The following ATP5PO variants were observed in gnomAD, a reference collection of about 807,000 sequenced individuals.
ATP5PO encodes ATP synthase peripheral stalk subunit OSCP.
Under a neutral mutation model 26.2 loss-of-function variants are expected in ATP5PO, and 14 were observed. That is an observed-to-expected ratio of 0.53 (90% CI 0.35 to 0.83). ATP5PO has a LOEUF of 0.83. ATP5PO is among the 40% of genes least tolerant of loss of function. The pLI, the probability that ATP5PO is intolerant of heterozygous loss-of-function variation, is 0.01. For synonymous variants in ATP5PO, 106 were observed against 95.1 expected (o/e 1.12, Z -0.67); for missense variants, 241 against 258.5 (o/e 0.93, Z 0.46).
At chr21:33,908,862 C>T (rs933395687) in intron 4 of ATP5PO, 2 of 464,182 alleles carry the variant, frequency 4.3e-6, no homozygotes, top group Non-Finnish European at 7.5e-6. Context: ...ATGCTTAGGT[C>T]CTAGTATCCT....
At position 33,903,540 on chromosome 21, in the gene ATP5PO, G is replaced by A. The variant is rs377497870; in HGVS notation, c.628C>T (p.Arg210Trp). Residue 210 changes from arginine (R) to tryptophan (W), a missense_variant, in exon 7 of 7, where the codon CGG (arginine) becomes TGG (tryptophan). Arg to Trp is a moderately radical substitution (Grantham distance 101). This residue lies in a region of ATP5PO where 77 missense variants were observed against 74.5 expected (regional missense o/e 1.03). Coordinates refer to ENST00000290299, the MANE Select transcript of ATP5PO (RefSeq NM_001697.3). ...AACCAACACTTTTAGACAATCTCCCGCATAGCCCTGCCCAGCTTCTGAATC... is the reference window on the plus strand; with the variant it reads ...AACCAACACTTTTAGACAATCTCCCACATAGCCCTGCCCAGCTTCTGAATC... ...TKIQKLGRAM[R>W]EIV 2.1e-5 allele frequency: 34 copies of A among 1,613,134 alleles called. No individual in the cohort carries two copies. The highest frequency in any genetic ancestry group is 5.0e-5 in the Admixed American group (3 of 59,782).
intron 3 of ATP5PO, among the ~76,000 whole-genome samples, chr21:33,909,437 TG>T (rs11300581): frequency 0.26 from 39,971 of 152,004 alleles, 5,417 homozygotes; most frequent in East Asian, 0.31. Flanking sequence ...CGCTAATTTT[TG>T]TATTTTTAGT....
chr21:33,914,455 C>A lies in ATP5PO; in HGVS notation c.82G>T (p.Val28Leu), dbSNP rs1377091518. 5 of 1,612,900 alleles carry A rather than the reference C, an allele frequency of 3.1e-6. No homozygotes were observed. The highest frequency in any genetic ancestry group is 2.5e-6 in the Non-Finnish European group (3 of 1,179,344). Residue 28 changes from valine to leucine, a missense_variant, in exon 2 of 7, where the codon GTG becomes TTG. Transcript: ENST00000290299. ...AAGAATATAAATTAACATACCCTCACAAGCTTGGCAAATGGTCTGACCACA... is the reference window on the plus strand; with the variant it reads ...AAGAATATAAATTAACATACCCTCAAAAGCTTGGCAAATGGTCTGACCACA... ...TSVVRPFAKL[V>L]RPPVQVYGIE...
intron 4 of ATP5PO, among the ~76,000 whole-genome samples, chr21:33,908,353 A>C (rs1401341643): frequency 6.6e-6 from 1 of 152,168 alleles, no homozygotes; most frequent in African/African-American, 2.4e-5. Flanking sequence ...CTACAAATTC[A>C]AAGATGATAT....
intron 3 of ATP5PO, among the ~76,000 whole-genome samples, chr21:33,911,493 C>G (rs944575324): frequency 1.5e-4 from 23 of 152,084 alleles, no homozygotes; most frequent in African/African-American, 5.3e-4. Context: ...CTGGCAATTG[C>G]AAAGGCATCT....
chr21:33,915,751 C>T lies in ATP5PO; in HGVS notation c.13G>A (p.Ala5Thr). The T allele has an allele frequency of 1.3e-6, 2 of 1,576,032 alleles. No individual in the cohort carries two copies. The highest frequency in any genetic ancestry group is 1.7e-6 in the Non-Finnish European group (2 of 1,161,064). The change falls in exon 1 of 7, where the codon GCA (alanine) becomes ACA (threonine). Residue 5 changes from alanine to threonine, a missense_variant. Physicochemically the swap from Ala to Thr is moderately conservative, Grantham distance 58. Around this residue, in one of 3 missense-constraint regions of ATP5PO, gnomAD observed 125 missense variants for 108.5 expected, o/e 1.15. Coordinates refer to ENST00000290299, the MANE Select transcript of ATP5PO (RefSeq NM_001697.3). MAAPAVSGLSRQVRC... is the reference protein window; with the variant it reads MAAPTVSGLSRQVRC... The stretch of plus-strand genomic sequence containing the variant: ...ACCTGCCGGGAGAGCCCGGACACTG[C>T]TGGGGCAGCCATCTTCTCCCGGGCG...
rs1381152331 is a variant in ATP5PO at position 33,904,029 on chromosome 21, G to A, written c.442-8C>T. ...TGTGGCTTCTTCTAAAGGCTGAAAG[G>A]CAAAACCATCCTTTCAATTTAGATA... is the stretch of plus-strand genomic sequence containing the variant. On this transcript the variant is annotated splice_region_variant and splice_polypyrimidine_tract_variant and intron_variant, in intron 5 of 6. Transcript: ENST00000290299. 2 of 1,603,536 alleles carry A rather than the reference G, an allele frequency of 1.2e-6. No homozygotes were observed. The highest frequency in any genetic ancestry group is 1.7e-6 in the Non-Finnish European group (2 of 1,174,216).
chr21:33,908,756 A>C (rs1012881074), intron 4 of ATP5PO: 2 of 206,050 alleles, frequency 9.7e-6, no homozygotes, highest in Non-Finnish European at 1.9e-5. Context: ...AAATGTATCC[A>C]AGGATCAAGG....
rs996402266 is a variant in ATP5PO at position 33,915,676 on chromosome 21, G to A, written c.36+52C>T. 3.9e-5 allele frequency: 61 copies of A among 1,546,852 alleles called. No homozygotes were observed. The Middle Eastern group carries it at 6.7e-4, about 17-fold the overall frequency. On this transcript the variant is annotated intron_variant, in intron 1 of 6. Coordinates refer to ENST00000290299, the MANE Select transcript of ATP5PO (RefSeq NM_001697.3). ...CCCTGGTGCTCGAGGTTTGGTACCG[G>A]TCATCCCAGGAGGGATCCTCCCACT...
At chr21:33,905,336 C>A (rs1312817809) in intron 5 of ATP5PO, among the ~76,000 whole-genome samples, 1 of 152,196 alleles carries the variant, frequency 6.6e-6, no homozygotes, top group East Asian at 1.9e-4. Context: ...TTCATGTGGG[C>A]AACCCTGAAA....
intron 5 of ATP5PO, among the ~76,000 whole-genome samples, chr21:33,904,364 C>T (rs1449244981): frequency 6.6e-6 from 1 of 152,032 alleles, no homozygotes; most frequent in Admixed American, 6.5e-5. Context: ...GAAGATGCAG[C>T]CCCATCAATG....
chr21:33,910,751 A>C (rs563723143), intron 3 of ATP5PO, among the ~76,000 whole-genome samples: 2 of 152,230 alleles, frequency 1.3e-5, no homozygotes, highest in Non-Finnish European at 1.5e-5. Flanking sequence ...TGAGAGAATC[A>C]TAAGAGTTTA....
chr21:33,905,935 A>AAG (rs1987166242), intron 5 of ATP5PO, among the ~76,000 whole-genome samples: 1 of 150,784 alleles, frequency 6.6e-6, no homozygotes, highest in Admixed American at 6.6e-5. Flanking sequence ...AAAAAAAAAA[A>AAG]AAAGAAAATC....
At position 33,909,191 on chromosome 21, in the gene ATP5PO, T is replaced by C; in HGVS notation, c.219A>G (p.Lys73=). 6.2e-7 allele frequency: 1 copy of C among 1,613,278 alleles called. No individual in the cohort carries two copies. The highest frequency in any genetic ancestry group is 8.5e-7 in the Non-Finnish European group (1 of 1,179,788). The change falls in exon 4 of 7, where the codon AAA becomes AAG. Residue 73 remains lysine (K), a synonymous_variant. Coordinates refer to ENST00000290299, the MANE Select transcript of ATP5PO (RefSeq NM_001697.3). Reference sequence around the variant, plus strand: ...AGGGATTCAAAACAGAAGCAGCCACTTTGGGTTCCTTCAGGATTTGCTGAA... The same window carrying C: ...AGGGATTCAAAACAGAAGCAGCCACCTTGGGTTCCTTCAGGATTTGCTGAA... ...LRVAQILKEP[K]VAASVLNPYV...
At chr21:33,908,265 G>C (rs192236884) in intron 4 of ATP5PO, among the ~76,000 whole-genome samples, 2 of 151,538 alleles carry the variant, frequency 1.3e-5, no homozygotes, top group South Asian at 2.1e-4. Flanking sequence ...GCACTGACAA[G>C]GATTTAAATT....
At chr21:33,911,686 T>TG (rs869232218) in intron 3 of ATP5PO, among the ~76,000 whole-genome samples, 3 of 140,338 alleles carry the variant, frequency 2.1e-5, no homozygotes. Flanking sequence ...TTTTTTTTTT[T>TG]GAGACGGAGT....
At chr21:33,905,124 T>G (rs1202765718) in intron 5 of ATP5PO, among the ~76,000 whole-genome samples, 1 of 152,160 alleles carries the variant, frequency 6.6e-6, no homozygotes, top group Non-Finnish European at 1.5e-5. Context: ...CAGAAAAATT[T>G]ATGTCTTTGT....
In ATP5PO at chr21:33,915,757, C is replaced by T. The variant is rs202191698; in HGVS notation, c.7G>A (p.Ala3Thr). The T allele has an allele frequency of 8.3e-6, 13 of 1,574,574 alleles. No individual in the cohort carries two copies. Among genetic ancestry groups the T allele is most frequent in the African/African-American group, 4.0e-5 (3 of 74,198 alleles). The change falls in exon 1 of 7, where the codon GCC (alanine) becomes ACC (threonine). Residue 3 changes from alanine to threonine, a missense_variant. Around this residue, in one of 3 missense-constraint regions of ATP5PO, gnomAD observed 125 missense variants for 108.5 expected, o/e 1.15. Coordinates refer to ENST00000290299, the MANE Select transcript of ATP5PO (RefSeq NM_001697.3). The stretch of plus-strand genomic sequence containing the variant: ...CGGGAGAGCCCGGACACTGCTGGGG[C>T]AGCCATCTTCTCCCGGGCGGCTGTA... MA[A>T]PAVSGLSRQV... is the part of the protein sequence containing the mutation.
chr21:33,905,758 C>T (rs918650148), intron 5 of ATP5PO, among the ~76,000 whole-genome samples: 21 of 151,658 alleles, frequency 1.4e-4, no homozygotes, highest in African/African-American at 4.6e-4. Flanking sequence ...ACTAAAAATA[C>T]ACTAAATTAG....
Sources: allele counts gnomAD v4.1 joint callset (sites outside exome capture counted in the v4.1 genomes callset), GRCh38; gene constraint gnomAD v4.1.1; regional missense constraint gnomAD v4.1.1; transcripts MANE v1.5; gene names NCBI Gene and HGNC (gene_info 2026-07-23, HGNC 2026-07-21).